Variants in NINJ2 observed in about 807,000 individuals in gnomAD.
The protein encoded by NINJ2 is ninjurin 2.
NINJ2 carries 12 observed loss-of-function variants against 11.7 expected under a neutral mutation model. That is an observed-to-expected ratio of 1.02 (90% CI 0.66 to 1.66). The LOEUF is 1.66. NINJ2 is among the 40% of genes most tolerant of loss of function. The probability of loss-of-function intolerance (pLI) is 0.00; values close to 1 mark genes in which losing one functional copy is unlikely to be tolerated. For missense variants in NINJ2, 187 were observed against 181.8 expected, an observed-to-expected ratio of 1.03 and a Z score of -0.16; for synonymous variants, 93 against 76.8, an observed-to-expected ratio of 1.21 and a Z score of -1.10.
chr12:612,892 G>T (rs766554493), intron 1 of NINJ2, among the ~76,000 whole-genome samples: 1 of 152,198 alleles, frequency 6.6e-6, no homozygotes, highest in Admixed American at 6.5e-5. Context: ...AGGTGAACTA[G>T]GTAGATAGAC....
At chr12:648,230 C>T (rs986816035) in intron 1 of NINJ2, among the ~76,000 whole-genome samples, 1 of 152,186 alleles carries the variant, frequency 6.6e-6, no homozygotes, top group Non-Finnish European at 1.5e-5. Flanking sequence ...CCCGCCACCA[C>T]ACCTGGCTAA....
intron 1 of NINJ2, among the ~76,000 whole-genome samples, chr12:649,238 G>T (rs994405020): frequency 4.6e-5 from 7 of 151,672 alleles, no homozygotes; most frequent in Admixed American, 1.3e-4. Context: ...GTAGAGACGG[G>T]GTTTTGCCAT....
intron 1 of NINJ2, among the ~76,000 whole-genome samples, chr12:604,820 G>A (rs995698836): frequency 1.3e-5 from 2 of 152,032 alleles, no homozygotes; most frequent in South Asian, 2.1e-4. Flanking sequence ...TCAACCCTCC[G>A]ACTCCTTCAC....
chr12:600,678 G>A (rs944502360), intron 1 of NINJ2, among the ~76,000 whole-genome samples: 1 of 151,016 alleles, frequency 6.6e-6, no homozygotes, highest in Admixed American at 6.6e-5. Context: ...GTGTGTGTGT[G>A]TGTGTGTGTG....
At chr12:573,603 A>AAACAAAC (rs1418200962) in intron 1 of NINJ2, among the ~76,000 whole-genome samples, 1 of 148,534 alleles carries the variant, frequency 6.7e-6, no homozygotes, top group Non-Finnish European at 1.5e-5. Context: ...GAAAAACAAA[A>AAACAAAC]AACAAACAAA....
At chr12:631,634 T>G (rs1016744419) in intron 1 of NINJ2, among the ~76,000 whole-genome samples, 4 of 152,192 alleles carry the variant, frequency 2.6e-5, no homozygotes, top group African/African-American at 9.7e-5. Flanking sequence ...GTGCTGGGAT[T>G]ACAGGCGTGA....
At chr12:642,505 G>A (rs2369392) in intron 1 of NINJ2, among the ~76,000 whole-genome samples, 19,767 of 152,238 alleles carry the variant, frequency 0.13, 1,576 homozygotes, top group East Asian at 0.31. Context: ...TGGAATTACC[G>A]GCGTGAGCCA....
At chr12:577,293 A>G (rs1171884265) in intron 1 of NINJ2, among the ~76,000 whole-genome samples, 2 of 147,610 alleles carry the variant, frequency 1.4e-5, no homozygotes, top group Admixed American at 6.8e-5. Flanking sequence ...AAGTTAAGCT[A>G]GGCTAAACTA....
rs183395436 is a variant in NINJ2 at position 629,359 on chromosome 12, C to T, written c.33+33969G>A. ...TGGGATTTGCACCGAGGCAGTCTGGCTCTGTTCTCCATTGGCCACTGCGAT... is the reference window on the plus strand; with the variant it reads ...TGGGATTTGCACCGAGGCAGTCTGGTTCTGTTCTCCATTGGCCACTGCGAT... On this transcript the variant is annotated intron_variant, in intron 1 of 3. Transcript: ENST00000305108. Among the ~76,000 whole-genome samples the T allele has an allele frequency of 2.8e-3, 433 of 152,304 alleles. 1 individual carries two copies. Among genetic ancestry groups the T allele is most frequent in the African/African-American group, 9.9e-3 (412 of 41,566 alleles).
chr12:572,363 C>T (rs993461233), intron 1 of NINJ2, among the ~76,000 whole-genome samples: 2 of 152,240 alleles, frequency 1.3e-5, no homozygotes, highest in African/African-American at 4.8e-5. Flanking sequence ...GGGCCTGTCA[C>T]CCTGCTGGTG....
chr12:609,789 A>AAAAAAAAAAAG (rs71439346), intron 1 of NINJ2, among the ~76,000 whole-genome samples: 1 of 116,628 alleles, frequency 8.6e-6, no homozygotes, highest in African/African-American at 3.2e-5. Flanking sequence ...AAAAAAAAAT[A>AAAAAAAAAAAG]GGGAAAACAA....
At chr12:611,257 CTT>C (rs1385885094) in intron 1 of NINJ2, among the ~76,000 whole-genome samples, 1,375 of 86,572 alleles carry the variant, frequency 0.016, 11 homozygotes, top group East Asian at 0.025. Flanking sequence ...CTCTCTCTCT[CTT>C]TCTTTCTTTC....
intron 1 of NINJ2, among the ~76,000 whole-genome samples, chr12:601,362 C>A (rs534457723): frequency 2.6e-5 from 4 of 151,070 alleles, no homozygotes; most frequent in African/African-American, 4.9e-5. Context: ...CTGGCTAACA[C>A]AGTGAAACCC....
intron 1 of NINJ2, among the ~76,000 whole-genome samples, chr12:653,203 G>C (rs907778476): frequency 2.6e-5 from 4 of 151,600 alleles, no homozygotes; most frequent in African/African-American, 9.7e-5. Flanking sequence ...TGTATTTTTA[G>C]TAGAGACGAG....
At chr12:610,739 T>TC (rs1213149688) in intron 1 of NINJ2, 2 of 646,222 alleles carry the variant, frequency 3.1e-6, no homozygotes, top group African/African-American at 4.1e-5. Context: ...CTTTTTTTTT[T>TC]TTTTTTTTTT....
chr12:568,285 C>G (rs1306665223), intron 1 of NINJ2, among the ~76,000 whole-genome samples: 1 of 152,204 alleles, frequency 6.6e-6, no homozygotes, highest in Non-Finnish European at 1.5e-5. Flanking sequence ...AGATCCAGCT[C>G]TAATCCACAT....
chr12:615,581 C>A (rs1003869571), intron 1 of NINJ2, among the ~76,000 whole-genome samples: 1 of 152,148 alleles, frequency 6.6e-6, no homozygotes, highest in Admixed American at 6.5e-5. Context: ...AAGAGCGAAA[C>A]TCCATCTTAA....
At chr12:600,677 TG>T (rs1947855486) in intron 1 of NINJ2, among the ~76,000 whole-genome samples, 1 of 150,776 alleles carries the variant, frequency 6.6e-6, no homozygotes, top group African/African-American at 2.4e-5. Context: ...TGTGTGTGTG[TG>T]TGTGTGTGTG....
In NINJ2 at chr12:610,256, C is replaced by T; in HGVS notation, c.34-44078G>A. 3.6e-6 allele frequency: 4 copies of T among 1,102,476 alleles called. No homozygotes were observed. The African/African-American group carries it at 6.2e-5, about 17-fold the overall frequency. 68.3% of individuals were successfully genotyped at this position (1,102,476 alleles called of 1,614,324 possible). On this transcript the variant is annotated intron_variant, in intron 1 of 3. Coordinates refer to ENST00000305108, the MANE Select transcript of NINJ2 (RefSeq NM_016533.6). ...ATGCTTTTGCGTGAGTGAAACAGCC[C>T]CTCTGGCAGCCCTCTTCACCTGCCC...
Sources: gnomAD v4.1 joint callset for allele counts (sites outside exome capture counted in the v4.1 genomes callset) on GRCh38, gnomAD v4.1.1 for gene constraint, MANE v1.5 for transcripts, NCBI Gene and HGNC (gene_info 2026-07-23, HGNC 2026-07-21) for gene names.